The following CAMTA1 variants were observed in gnomAD, a reference collection of about 807,000 sequenced individuals.
CAMTA1 encodes calmodulin binding transcription activator 1, also known as calmodulin-binding transcription activator 1.
A neutral mutation model predicts 170.9 loss-of-function variants in CAMTA1; 27 were observed. That is an observed-to-expected ratio of 0.16 (90% CI 0.12 to 0.22). CAMTA1 has a LOEUF of 0.22. Ranked by LOEUF, CAMTA1 falls within the 10% of genes least tolerant of loss-of-function variation. The probability of loss-of-function intolerance (pLI) is 1.00; values close to 1 mark genes in which losing one functional copy is unlikely to be tolerated. For missense variants in CAMTA1, 1,619 were observed against 2,217.2 expected (o/e 0.73, Z 5.42); for synonymous variants, 833 against 891.5 (o/e 0.93, Z 1.17).
At chr1:7,347,494 G>A (rs529121850) in intron 5 of CAMTA1, among the ~76,000 whole-genome samples, 160 of 152,344 alleles carry the variant, frequency 1.1e-3, no homozygotes, top group Non-Finnish European at 1.8e-3. Flanking sequence ...GATTTTTGAA[G>A]ACGTTCTCCT....
chr1:7,735,581 CT>C (rs1257887897), intron 12 of CAMTA1, among the ~76,000 whole-genome samples: 1 of 151,998 alleles, frequency 6.6e-6, no homozygotes, highest in Non-Finnish European at 1.5e-5. Flanking sequence ...GCTAGAACCA[CT>C]TTTTTTTGTT....
At chr1:6,882,181 C>T (rs903913401) in intron 3 of CAMTA1, among the ~76,000 whole-genome samples, 2 of 152,152 alleles carry the variant, frequency 1.3e-5, no homozygotes, top group Non-Finnish European at 2.9e-5. Context: ...ATTCAAATTT[C>T]AGTGTCCAGT....
At chr1:6,982,071 T>C (rs1271763912) in intron 3 of CAMTA1, among the ~76,000 whole-genome samples, 2 of 152,208 alleles carry the variant, frequency 1.3e-5, no homozygotes, top group East Asian at 3.8e-4. Context: ...ATAATAAATG[T>C]TTTTCTATGT....
intron 5 of CAMTA1, among the ~76,000 whole-genome samples, chr1:7,375,977 C>T (rs2086815768): frequency 6.6e-6 from 1 of 152,204 alleles, no homozygotes; most frequent in Non-Finnish European, 1.5e-5. Context: ...TATCAGGAGG[C>T]AGGCCTACCA....
intron 5 of CAMTA1, among the ~76,000 whole-genome samples, chr1:7,369,426 G>A (rs1439928829): frequency 6.6e-6 from 1 of 152,148 alleles, no homozygotes. Context: ...ACCACTCTGT[G>A]GTTCCATAAT....
At chr1:7,164,133 T>C (rs1647865378) in intron 4 of CAMTA1, among the ~76,000 whole-genome samples, 1 of 152,132 alleles carries the variant, frequency 6.6e-6, no homozygotes, top group African/African-American at 2.4e-5. Context: ...CACTCCTCGC[T>C]CCCCACGTTT....
chr1:7,318,866 T>TGG (rs1417167719), intron 5 of CAMTA1, among the ~76,000 whole-genome samples: 1 of 152,188 alleles, frequency 6.6e-6, no homozygotes, highest in Non-Finnish European at 1.5e-5. Context: ...ATTCAGTGAA[T>TGG]GAATGAACAA....
At chr1:6,812,516 G>A (rs1428386024) in intron 1 of CAMTA1, among the ~76,000 whole-genome samples, 1 of 152,162 alleles carries the variant, frequency 6.6e-6, no homozygotes, top group Non-Finnish European at 1.5e-5. Flanking sequence ...GTAACAATAA[G>A]TACTACTGAA....
chr1:6,798,028 C>T (rs1185415756), intron 1 of CAMTA1, among the ~76,000 whole-genome samples: 17 of 145,830 alleles, frequency 1.2e-4, no homozygotes, highest in African/African-American at 4.3e-4. Context: ...CAAAGTCTTG[C>T]TCTTGTCCCC....
At chr1:7,034,639 G>C (rs1439336637) in intron 3 of CAMTA1, among the ~76,000 whole-genome samples, 1 of 152,108 alleles carries the variant, frequency 6.6e-6, no homozygotes, top group Non-Finnish European at 1.5e-5. Context: ...TACATTCTTA[G>C]TTCCTTCTCA....
chr1:6,919,168 A>T lies in CAMTA1; in HGVS notation c.234+93958A>T, dbSNP rs149301000. ...GCCTCTGACAGGGCCAGATGCTGGC[A>T]GGAGGAGGGACGTGGCTTAGGGAGC... is the stretch of plus-strand genomic sequence containing the variant. On this transcript the variant is annotated intron_variant, in intron 3 of 22. Coordinates refer to ENST00000303635, the MANE Select transcript of CAMTA1 (RefSeq NM_015215.4). Among the ~76,000 whole-genome samples, 5 of 152,338 alleles carry T rather than the reference A, an allele frequency of 3.3e-5. 1 individual carries two copies. Among genetic ancestry groups the T allele is most frequent in the African/African-American group, 1.2e-4 (5 of 41,586 alleles).
chr1:7,411,584 C>CT lies in CAMTA1; in HGVS notation c.439-56237dup, dbSNP rs1230933916. Among the ~76,000 whole-genome samples the CT allele has an allele frequency of 9.0e-5, 12 of 133,752 alleles. 1 individual carries two copies. Among genetic ancestry groups the CT allele is most frequent in the African/African-American group, 1.4e-4 (5 of 37,008 alleles). The allele number at this position is 133,752 out of a possible 152,430, so 87.7% of individuals were successfully genotyped here. ...AATTAGTATCAAGTTAAATAACTTT[C>CT]TTTTTTTTTAAGCCATGATTCAGAA... On this transcript the variant is annotated intron_variant, in intron 5 of 22. Transcript: ENST00000303635.
At chr1:6,825,526 G>A (rs1647004950) in intron 3 of CAMTA1, among the ~76,000 whole-genome samples, 1 of 152,160 alleles carries the variant, frequency 6.6e-6, no homozygotes, top group African/African-American at 2.4e-5. Context: ...CCAGTTAAAC[G>A]TTAGTTGTTA....
rs779004779 is a variant in CAMTA1, at chr1:7,010,581, G to A, written c.235-80723G>A. Among the ~76,000 whole-genome samples the A allele has an allele frequency of 2.0e-5, 3 of 152,176 alleles. No individual in the cohort carries two copies. Among genetic ancestry groups the A allele is most frequent in the Non-Finnish European group, 4.4e-5 (3 of 68,026 alleles). On this transcript the variant is annotated intron_variant, in intron 3 of 22. Coordinates refer to ENST00000303635, the MANE Select transcript of CAMTA1 (RefSeq NM_015215.4). This position sits in a 1 kb window ranked among gnomAD's most constrained non-coding sequence, Gnocchi z 4.4. ...ACCCACTACTGACCAGCTGGGTGACGTTTCATTATCCATAACATAGAGAAG... is the reference window on the plus strand; with the variant it reads ...ACCCACTACTGACCAGCTGGGTGACATTTCATTATCCATAACATAGAGAAG...
chr1:7,113,518 G>A lies in CAMTA1; in HGVS notation c.302+22147G>A, dbSNP rs1482962750. On this transcript the variant is annotated intron_variant, in intron 4 of 22. Transcript: ENST00000303635. The surrounding 1 kb of genome is among the most constrained non-coding windows in gnomAD (Gnocchi z 4.5). ...ATGGAGAGGGAGGAAGGAGGGTCTC[G>A]GGCAAGACCTCCCCCAACAGGCAGA... Among the ~76,000 whole-genome samples, 2 of 152,186 alleles carry A rather than the reference G, an allele frequency of 1.3e-5. No homozygotes were observed. Among genetic ancestry groups the A allele is most frequent in the Admixed American group, 6.5e-5 (1 of 15,274 alleles).
rs1704996016 is a variant in CAMTA1 at position 7,044,337 on chromosome 1, C to T, written c.235-46967C>T. On this transcript the variant is annotated intron_variant, in intron 3 of 22. Coordinates refer to ENST00000303635, the MANE Select transcript of CAMTA1 (RefSeq NM_015215.4). This position sits in a 1 kb window ranked among gnomAD's most constrained non-coding sequence, Gnocchi z 5.0. ...GACGCAGAGCAGTGCCGCTGGGGAC[C>T]CCGGGGACTCAGAGCAGTGCCGCTG... Among the ~76,000 whole-genome samples the T allele has an allele frequency of 6.6e-6, 1 of 151,894 alleles. No homozygotes were observed. The highest frequency in any genetic ancestry group is 2.4e-5 in the African/African-American group (1 of 41,358).
chr1:7,354,441 G>A (rs914593731), intron 5 of CAMTA1, among the ~76,000 whole-genome samples: 23 of 152,184 alleles, frequency 1.5e-4, no homozygotes, highest in Admixed American at 3.9e-4. Context: ...GAGCCACCGC[G>A]CCCGACCTAC....
chr1:7,636,467 A>C (rs2095713013), intron 6 of CAMTA1, among the ~76,000 whole-genome samples: 2 of 152,218 alleles, frequency 1.3e-5, no homozygotes, highest in African/African-American at 4.8e-5. Flanking sequence ...CTGTAATCCC[A>C]GCACTTTAGG....
intron 6 of CAMTA1, among the ~76,000 whole-genome samples, chr1:7,573,147 A>C (rs2095145056): frequency 6.6e-6 from 1 of 152,208 alleles, no homozygotes; most frequent in Admixed American, 6.5e-5. Context: ...CAGGGTTAGC[A>C]TGCTAAGGAT....
Sources: allele counts gnomAD v4.1 joint callset (sites outside exome capture counted in the v4.1 genomes callset), GRCh38; gene constraint gnomAD v4.1.1; non-coding constraint Gnocchi (gnomAD v3.1); transcripts MANE v1.5; gene names NCBI Gene and HGNC (gene_info 2026-07-23, HGNC 2026-07-21).